The following SPAG16 variants were observed in gnomAD, a reference collection of about 807,000 sequenced individuals.
The protein encoded by SPAG16 is sperm associated antigen 16.
SPAG16 carries 86 observed loss-of-function variants against 80.4 expected under a neutral mutation model. The ratio of observed to expected loss-of-function variants is 1.07; its 90% confidence interval spans 0.90 to 1.28. SPAG16 has a LOEUF of 1.28. SPAG16 is among the 50% of genes most tolerant of loss of function. The probability of loss-of-function intolerance (pLI) is 0.00; values close to 1 mark genes in which losing one functional copy is unlikely to be tolerated. For missense variants in SPAG16, 870 were observed against 765.3 expected (o/e 1.14, Z -1.61); for synonymous variants, 294 against 265.9 (o/e 1.11, Z -1.03).
intron 15 of SPAG16, among the ~76,000 whole-genome samples, chr2:214,386,564 A>G (rs954483149): frequency 1.3e-5 from 2 of 152,146 alleles, no homozygotes; most frequent in South Asian, 2.1e-4. Flanking sequence ...AGAACACTGT[A>G]TAAGACTATG....
intron 10 of SPAG16, among the ~76,000 whole-genome samples, chr2:213,662,180 A>G (rs1211675057): frequency 1.3e-5 from 2 of 152,040 alleles, no homozygotes; most frequent in East Asian, 3.8e-4. Context: ...GGGGAGGGGA[A>G]AGGTTTGGAA....
chr2:213,419,775 A>G (rs1182525920), intron 9 of SPAG16, among the ~76,000 whole-genome samples: 2 of 152,216 alleles, frequency 1.3e-5, no homozygotes, highest in Non-Finnish European at 2.9e-5. Context: ...AACCAAAAGT[A>G]TGATTTAAAA....
At chr2:214,251,693 G>A (rs950502818) in intron 15 of SPAG16, among the ~76,000 whole-genome samples, 1 of 152,094 alleles carries the variant, frequency 6.6e-6, no homozygotes, top group African/African-American at 2.4e-5. Flanking sequence ...CTTCCTCTGT[G>A]TCCAAGAAAC....
intron 11 of SPAG16, among the ~76,000 whole-genome samples, chr2:213,891,855 C>A (rs2076796347): frequency 6.6e-6 from 1 of 152,140 alleles, no homozygotes; most frequent in South Asian, 2.1e-4. Flanking sequence ...TCCCAATTCA[C>A]TGTTTCTGCA....
rs551608661 is a variant in SPAG16, at chr2:213,840,886, A to T, written c.1071-21599A>T. Among the ~76,000 whole-genome samples, 3 of 152,292 alleles carry T rather than the reference A, an allele frequency of 2.0e-5. No individual in the cohort carries two copies. In the East Asian group the frequency reaches 5.8e-4, roughly 29 times the overall value. On this transcript the variant is annotated intron_variant, in intron 10 of 15. Transcript: ENST00000331683. ...GCAGTTTCGTGGAAGAATACTGGAA[A>T]CTAAGACCATAAGCTAAAATAATAA...
At chr2:213,472,723 C>A (rs1003724142) in intron 9 of SPAG16, among the ~76,000 whole-genome samples, 3 of 152,016 alleles carry the variant, frequency 2.0e-5, no homozygotes, top group African/African-American at 7.3e-5. Flanking sequence ...ACAATTCAGA[C>A]CTGAGCTAAA....
intron 10 of SPAG16, among the ~76,000 whole-genome samples, chr2:213,766,171 T>A (rs1172614523): frequency 1.3e-5 from 2 of 152,366 alleles, no homozygotes; most frequent in East Asian, 3.9e-4. Context: ...TGATTCCATT[T>A]ACTTGAAATC....
At chr2:214,211,490 A>G (rs183738900) in intron 15 of SPAG16, among the ~76,000 whole-genome samples, 12 of 152,210 alleles carry the variant, frequency 7.9e-5, no homozygotes, top group Non-Finnish European at 1.3e-4. Context: ...GGAATAATCC[A>G]TCTATGGGCC....
chr2:214,269,469 G>A lies in SPAG16; in HGVS notation c.1720+120203G>A, dbSNP rs553680722. Among the ~76,000 whole-genome samples the A allele has an allele frequency of 7.9e-5, 12 of 152,102 alleles. 1 individual carries two copies. The highest frequency in any genetic ancestry group is 2.9e-4 in the African/African-American group (12 of 41,554). ...CTAATGTGTGTATGTGTGCATGTGT[G>A]TGTTTTGCTTAAATGACATTATTAT... On this transcript the variant is annotated intron_variant, in intron 15 of 15. Coordinates refer to ENST00000331683, the MANE Select transcript of SPAG16 (RefSeq NM_024532.5).
rs1458289999 is a variant in SPAG16, at chr2:214,013,399, A to G, written c.1401-552A>G. On this transcript the variant is annotated intron_variant, in intron 12 of 15. Coordinates refer to ENST00000331683, the MANE Select transcript of SPAG16 (RefSeq NM_024532.5). ...AATATACAATATTTTAATGTTAACC[A>G]TAGTCACCCTACTGTGCAACAGGAC... Among the ~76,000 whole-genome samples the G allele has an allele frequency of 7.2e-5, 11 of 152,168 alleles. No homozygotes were observed. In the East Asian group the frequency reaches 7.7e-4, roughly 11 times the overall value.
At chr2:213,884,632 A>G (rs1343327836) in intron 11 of SPAG16, among the ~76,000 whole-genome samples, 3 of 152,176 alleles carry the variant, frequency 2.0e-5, no homozygotes, top group South Asian at 2.1e-4. Flanking sequence ...AGGAATGCCA[A>G]TGAGTTATAG....
At chr2:214,035,695 G>A (rs2048659777) in intron 13 of SPAG16, among the ~76,000 whole-genome samples, 1 of 152,222 alleles carries the variant, frequency 6.6e-6, no homozygotes, top group Non-Finnish European at 1.5e-5. Flanking sequence ...CCCCAAGAGT[G>A]CAGAGCTGCC....
chr2:214,216,589 G>C (rs2058439090), intron 15 of SPAG16, among the ~76,000 whole-genome samples: 2 of 152,328 alleles, frequency 1.3e-5, no homozygotes, highest in East Asian at 3.9e-4. Flanking sequence ...CAAAGTGCTG[G>C]GATTACAGGC....
chr2:213,320,243 A>G (rs897110954), intron 5 of SPAG16, among the ~76,000 whole-genome samples: 3 of 152,002 alleles, frequency 2.0e-5, no homozygotes, highest in African/African-American at 4.8e-5. Context: ...ATACATTTAT[A>G]TATGATAATT....
chr2:213,532,169 A>G (rs1395227906), intron 10 of SPAG16, among the ~76,000 whole-genome samples: 1 of 152,196 alleles, frequency 6.6e-6, no homozygotes, highest in Non-Finnish European at 1.5e-5. Flanking sequence ...ACAAAACAAA[A>G]TCTTATAAAT....
intron 10 of SPAG16, among the ~76,000 whole-genome samples, chr2:213,560,254 T>C (rs963842555): frequency 3.3e-5 from 5 of 152,192 alleles, no homozygotes; most frequent in South Asian, 2.1e-4. Flanking sequence ...TAGAGGATTA[T>C]AAAAAATGTG....
At chr2:213,562,626 C>G (rs541671773) in intron 10 of SPAG16, among the ~76,000 whole-genome samples, 1 of 152,130 alleles carries the variant, frequency 6.6e-6, no homozygotes, top group Non-Finnish European at 1.5e-5. Flanking sequence ...TCTCTCTGAC[C>G]TCACGTGGTG....
At chr2:213,980,894 G>A (rs565649073) in intron 12 of SPAG16, among the ~76,000 whole-genome samples, 64 of 151,540 alleles carry the variant, frequency 4.2e-4, no homozygotes, top group Non-Finnish European at 5.9e-5. Context: ...AGGTGACAGA[G>A]CAAGACTCTG....
chr2:214,096,132 C>T (rs1051012609), intron 13 of SPAG16, among the ~76,000 whole-genome samples: 1 of 151,926 alleles, frequency 6.6e-6, no homozygotes, highest in African/African-American at 2.4e-5. Flanking sequence ...TTATCAGGGG[C>T]AAGTGAGATT....
Sources: allele counts gnomAD v4.1 joint callset (sites outside exome capture counted in the v4.1 genomes callset), GRCh38; gene constraint gnomAD v4.1.1; transcripts MANE v1.5; gene names NCBI Gene and HGNC (gene_info 2026-07-23, HGNC 2026-07-21).